Variants in GMDS observed in about 807,000 individuals in gnomAD.
GMDS encodes the protein GDP-mannose 4,6-dehydratase.
In GMDS, 20 loss-of-function variants were observed where a neutral mutation model predicts 49.9. The ratio of observed to expected loss-of-function variants is 0.40; its 90% CI spans 0.28 to 0.58. GMDS has a LOEUF of 0.58. Ranked by LOEUF, GMDS falls within the 20% of genes least tolerant of loss-of-function variation. GMDS has a pLI of 0.42. For missense variants in GMDS, 362 were observed against 481.4 expected (o/e 0.75, Z 2.32); for synonymous variants, 177 against 178.6 (o/e 0.99, Z 0.07).
At chr6:2,163,633 C>G (rs895278591) in intron 1 of GMDS, among the ~76,000 whole-genome samples, 3 of 152,154 alleles carry the variant, frequency 2.0e-5, no homozygotes, top group Non-Finnish European at 2.9e-5. Flanking sequence ...AGACCATGTC[C>G]CAGCTCAAGA....
chr6:1,636,581 C>T lies in GMDS; in HGVS notation c.988-12041G>A, dbSNP rs979349467. On this transcript the variant is annotated intron_variant, in intron 9 of 10. Transcript: ENST00000380815. ...CACCTCTCTGGCCGTCCTGAAGGTGCCTGGAAGGTTGGTGCTGATGCGGCC... is the reference window on the plus strand; with the variant it reads ...CACCTCTCTGGCCGTCCTGAAGGTGTCTGGAAGGTTGGTGCTGATGCGGCC... Among the ~76,000 whole-genome samples, 9 of 152,330 alleles carry T rather than the reference C, an allele frequency of 5.9e-5. No homozygotes were observed. In the South Asian group the frequency reaches 1.9e-3, roughly 32 times the overall value.
At chr6:1,855,047 C>A (rs893519238) in intron 7 of GMDS, among the ~76,000 whole-genome samples, 2 of 152,208 alleles carry the variant, frequency 1.3e-5, no homozygotes, top group African/African-American at 4.8e-5. Flanking sequence ...CACTTGGCAT[C>A]TAAAAACCTT....
At chr6:2,216,923 G>A (rs58344708) in intron 1 of GMDS, among the ~76,000 whole-genome samples, 6,194 of 152,130 alleles carry the variant, frequency 0.041, 417 homozygotes, top group African/African-American at 0.14. Context: ...GCTCCTCACG[G>A]AAAGGGAGCT....
At chr6:2,234,732 G>C (rs952084016) in intron 1 of GMDS, among the ~76,000 whole-genome samples, 1 of 152,230 alleles carries the variant, frequency 6.6e-6, no homozygotes, top group African/African-American at 2.4e-5. Context: ...TCTCAAAAAT[G>C]ATAGGAGTAA....
At chr6:2,033,832 G>T (rs1769118135) in intron 4 of GMDS, among the ~76,000 whole-genome samples, 1 of 152,154 alleles carries the variant, frequency 6.6e-6, no homozygotes, top group East Asian at 1.9e-4. Context: ...TAAGATGGAG[G>T]TGTTGAAACT....
At chr6:1,947,568 T>C (rs1301408194) in intron 6 of GMDS, among the ~76,000 whole-genome samples, 1 of 152,198 alleles carries the variant, frequency 6.6e-6, no homozygotes, top group African/African-American at 2.4e-5. Flanking sequence ...CATACCCTCA[T>C]GGGCTGGTTA....
intron 6 of GMDS, among the ~76,000 whole-genome samples, chr6:1,944,373 CG>C (rs1444405548): frequency 2.6e-5 from 4 of 152,050 alleles, no homozygotes; most frequent in Admixed American, 2.6e-4. Flanking sequence ...GGCGTGGTGG[CG>C]GGCGCCTGTA....
intron 9 of GMDS, among the ~76,000 whole-genome samples, chr6:1,718,515 G>A (rs928076844): frequency 6.6e-6 from 1 of 152,076 alleles, no homozygotes; most frequent in Non-Finnish European, 1.5e-5. Flanking sequence ...TCTGGCACCT[G>A]TCACTGTTTC....
chr6:2,024,068 G>GA (rs939285456), intron 4 of GMDS, among the ~76,000 whole-genome samples: 1 of 151,262 alleles, frequency 6.6e-6, no homozygotes, highest in Admixed American at 6.6e-5. Context: ...ATCAAAAAAA[G>GA]AAAAAAAATT....
At chr6:2,077,451 T>C (rs1480111061) in intron 4 of GMDS, among the ~76,000 whole-genome samples, 1 of 152,142 alleles carries the variant, frequency 6.6e-6, no homozygotes, top group Non-Finnish European at 1.5e-5. Flanking sequence ...TTGAGGTATG[T>C]TTCTTCTATG....
intron 4 of GMDS, among the ~76,000 whole-genome samples, chr6:2,080,131 T>C (rs1772593768): frequency 6.6e-6 from 1 of 152,208 alleles, no homozygotes; most frequent in Non-Finnish European, 1.5e-5. Context: ...TTTCATTCAA[T>C]GAATTCTTCA....
intron 6 of GMDS, among the ~76,000 whole-genome samples, chr6:1,931,984 G>T (rs1356821029): frequency 6.6e-6 from 1 of 152,200 alleles, no homozygotes. Flanking sequence ...CAATAAACCA[G>T]TGCTGAACCT....
chr6:1,931,912 G>A (rs933336163), intron 6 of GMDS, among the ~76,000 whole-genome samples: 2 of 152,202 alleles, frequency 1.3e-5, no homozygotes, highest in African/African-American at 4.8e-5. Flanking sequence ...GCTAGGCACT[G>A]GGGATCTGGG....
In GMDS at chr6:1,918,934, C is replaced by G. The variant is rs1761562559; in HGVS notation, c.771+11169G>C. Among the ~76,000 whole-genome samples, 3 of 152,186 alleles carry G rather than the reference C, an allele frequency of 2.0e-5. No individual in the cohort carries two copies. The South Asian group carries it at 6.2e-4, about 32-fold the overall frequency. The stretch of plus-strand genomic sequence containing the variant: ...AACATTTTGCTGATATCAAGTAAAT[C>G]TAGCACAACTCAACCTAAGTGTGGT... On this transcript the variant is annotated intron_variant, in intron 7 of 10. Transcript: ENST00000380815.
chr6:2,030,116 C>T (rs1330985766), intron 4 of GMDS, among the ~76,000 whole-genome samples: 2 of 152,200 alleles, frequency 1.3e-5, no homozygotes, highest in African/African-American at 4.8e-5. Context: ...CATGTGGTTC[C>T]CACAGCATGC....
rs548259932 is a variant in GMDS, at chr6:1,623,959, G to C, written c.*210C>G. The C allele has an allele frequency of 5.7e-6, 3 of 523,506 alleles. No individual in the cohort carries two copies. Among genetic ancestry groups the C allele is most frequent in the African/African-American group, 3.9e-5 (2 of 50,828 alleles). 32.4% of individuals were successfully genotyped at this position (523,506 alleles called of 1,614,324 possible). A position where few individuals can be genotyped will look rare whatever the true frequency, so the allele number is the denominator to read the frequency against. ...CCATTCAGAGGAGGCTTCGACAAAC[G>C]CAAAGCGACCCAAACCCTGGAGGGT... is the stretch of plus-strand genomic sequence containing the variant. On this transcript the variant is annotated 3_prime_UTR_variant, in exon 11 of 11. Transcript: ENST00000380815.
intron 4 of GMDS, among the ~76,000 whole-genome samples, chr6:2,042,533 T>C (rs1255473238): frequency 6.6e-6 from 1 of 152,130 alleles, no homozygotes; most frequent in Non-Finnish European, 1.5e-5. Context: ...CATGGGAAAA[T>C]TGTTCCAAAA....
intron 7 of GMDS, among the ~76,000 whole-genome samples, chr6:1,882,487 CAAGTT>C (rs1460795306): frequency 3.3e-5 from 5 of 151,818 alleles, no homozygotes; most frequent in Non-Finnish European, 4.4e-5. Context: ...AATAGTATGA[CAAGTT>C]AATTACAAGA....
At chr6:1,686,760 T>C (rs927566186) in intron 9 of GMDS, among the ~76,000 whole-genome samples, 3 of 152,176 alleles carry the variant, frequency 2.0e-5, no homozygotes, top group African/African-American at 7.2e-5. Context: ...ACTTCTGAAA[T>C]TGAGCTGCCC....
Sources: allele counts gnomAD v4.1 joint callset (sites outside exome capture counted in the v4.1 genomes callset), GRCh38; gene constraint gnomAD v4.1.1; transcripts MANE v1.5; gene names NCBI Gene and HGNC (gene_info 2026-07-23, HGNC 2026-07-21).